The following LATS2 variants were observed in gnomAD, a reference collection of about 807,000 sequenced individuals.
LATS2 encodes the protein large tumor suppressor kinase 2, also known as serine/threonine-protein kinase LATS2.
Under a neutral mutation model 76.0 loss-of-function variants are expected in LATS2, and 24 were observed. The observed-to-expected ratio is 0.32, with a 90% CI of 0.23 to 0.44. LATS2 has a LOEUF of 0.44. Ranked by LOEUF, LATS2 falls within the 20% of genes least tolerant of loss-of-function variation. The pLI is 1.00. For missense variants in LATS2, 1,286 were observed against 1,481.2 expected (o/e 0.87, Z 2.16); for synonymous variants, 692 against 635.4 (o/e 1.09, Z -1.34).
chr13:21,001,204 T>C (rs995028651), intron 2 of LATS2, among the ~76,000 whole-genome samples: 1 of 152,208 alleles, frequency 6.6e-6, no homozygotes, highest in Non-Finnish European at 1.5e-5. Context: ...TTTGTCACAA[T>C]GGAGATAGGT....
intron 2 of LATS2, among the ~76,000 whole-genome samples, chr13:21,024,333 G>C (rs915046449): frequency 6.6e-6 from 1 of 152,000 alleles, no homozygotes. Context: ...CTACTGAGGA[G>C]ACTGAGGCAG....
At position 20,975,070 on chromosome 13, in the gene LATS2, C is replaced by T; in HGVS notation, c.3067G>A (p.Asp1023Asn). ...DASEGSTKAW[D>N]TLTSPNNKHP... ...TTGTTATTGGGCGAGGTGAGTGTGTCCCAGGCCTTGGTGCTACCTTCGCTG... is the reference window on the plus strand; with the variant it reads ...TTGTTATTGGGCGAGGTGAGTGTGTTCCAGGCCTTGGTGCTACCTTCGCTG... The change falls in exon 8 of 8, where the codon GAC becomes AAC. Residue 1023 changes from aspartate (D) to asparagine (N), a missense_variant. Asp to Asn is a conservative substitution (Grantham distance 23). Transcript: ENST00000382592. 6.2e-7 allele frequency: 1 copy of T among 1,614,246 alleles called. No individual in the cohort carries two copies. Among genetic ancestry groups the T allele is most frequent in the Non-Finnish European group, 8.5e-7 (1 of 1,180,046 alleles).
chr13:20,990,075 C>T (rs987824992), intron 3 of LATS2, among the ~76,000 whole-genome samples: 1 of 152,206 alleles, frequency 6.6e-6, no homozygotes, highest in African/African-American at 2.4e-5. Context: ...ACAGGAAGAC[C>T]ACCCCGATAC....
At chr13:20,983,193 G>GA in intron 5 of LATS2, 31 bp downstream of exon 5, 5 of 1,486,748 alleles carry the variant, frequency 3.4e-6, no homozygotes, top group Non-Finnish European at 4.7e-6. Context: ...TCTACACATA[G>GA]AAAGTGCATG....
chr13:20,996,985 C>T (rs1418220736), intron 2 of LATS2, among the ~76,000 whole-genome samples: 3 of 152,332 alleles, frequency 2.0e-5, no homozygotes, highest in African/African-American at 7.2e-5. Context: ...CTGGCAGCCT[C>T]GTCTCTTCTG....
chr13:21,050,484 G>A lies in LATS2; in HGVS notation c.-204-4254C>T, dbSNP rs528370526. On this transcript the variant is annotated intron_variant, in intron 1 of 7. Transcript: ENST00000382592. Reference sequence around the variant, plus strand: ...TATGCAATCTCTACTCTGTAGTTTAGCACATTTCTTTCAACACTATATTTG... The same window carrying A: ...TATGCAATCTCTACTCTGTAGTTTAACACATTTCTTTCAACACTATATTTG... Among the ~76,000 whole-genome samples, 7 of 152,278 alleles carry A rather than the reference G, an allele frequency of 4.6e-5. No individual in the cohort carries two copies. The South Asian group carries it at 1.2e-3, about 27-fold the overall frequency.
chr13:20,974,808 G>C lies in LATS2; in HGVS notation c.*62C>G. ...CCTCGGCTTCCCTATTGGCCTGTGA[G>C]GGCACCGGCTCCGGGACCCTGACCT... On this transcript the variant is annotated 3_prime_UTR_variant, in exon 8 of 8. Coordinates refer to ENST00000382592, the MANE Select transcript of LATS2 (RefSeq NM_014572.3). The C allele has an allele frequency of 6.5e-7, 1 of 1,529,740 alleles. No individual in the cohort carries two copies. Among genetic ancestry groups the C allele is most frequent in the Non-Finnish European group, 8.8e-7 (1 of 1,139,616 alleles). The allele number at this position is 1,529,740 out of a possible 1,614,324, so 94.8% of individuals were successfully genotyped here. A position where few individuals can be genotyped will look rare whatever the true frequency, so the allele number is the denominator to read the frequency against.
intron 2 of LATS2, among the ~76,000 whole-genome samples, chr13:21,031,200 C>T (rs1303820875): frequency 1.3e-5 from 2 of 152,074 alleles, no homozygotes; most frequent in African/African-American, 4.8e-5. Flanking sequence ...TGTGTTCATC[C>T]TGCTCTTGGT....
intron 2 of LATS2, among the ~76,000 whole-genome samples, chr13:21,001,375 T>A (rs566008052): frequency 2.6e-5 from 4 of 152,226 alleles, no homozygotes; most frequent in Non-Finnish European, 5.9e-5. Context: ...CATCCCTGTA[T>A]GTACGGGCTG....
intron 2 of LATS2, among the ~76,000 whole-genome samples, chr13:21,008,815 A>G (rs572233571): frequency 1.2e-4 from 19 of 152,298 alleles, no homozygotes; most frequent in Admixed American, 3.3e-4. Context: ...CTGAAATCCT[A>G]CAACCAAGAT....
chr13:21,045,928 C>G lies in LATS2; in HGVS notation c.99G>C (p.Ser33=), dbSNP rs755534479. The G allele has an allele frequency of 1.2e-6, 2 of 1,614,154 alleles. No homozygotes were observed. The highest frequency in any genetic ancestry group is 8.5e-7 in the Non-Finnish European group (1 of 1,180,032). ...TTGGTCCTGCGGGTAGCCCCTGAACCGAAGACTTGGATGGCTGTTTTAACC... is the reference window on the plus strand; with the variant it reads ...TTGGTCCTGCGGGTAGCCCCTGAACGGAAGACTTGGATGGCTGTTTTAACC... ...REGLKQPSKS[S]VQGLPAGPNS... Residue 33 remains serine, a synonymous_variant, in exon 2 of 8, where the codon TCG becomes TCC. Transcript: ENST00000382592.
chr13:21,010,504 G>A (rs1485364849), intron 2 of LATS2, among the ~76,000 whole-genome samples: 1 of 152,076 alleles, frequency 6.6e-6, no homozygotes, highest in African/African-American at 2.4e-5. Flanking sequence ...AATATTCAAG[G>A]AAGTTTTCCA....
At chr13:21,001,596 T>G (rs968469479) in intron 2 of LATS2, among the ~76,000 whole-genome samples, 1 of 152,112 alleles carries the variant, frequency 6.6e-6, no homozygotes, top group Non-Finnish European at 1.5e-5. Context: ...AACCCATGAG[T>G]GAAGCCCTCT....
chr13:21,025,616 G>T (rs1454145818), intron 2 of LATS2, among the ~76,000 whole-genome samples: 2 of 152,262 alleles, frequency 1.3e-5, no homozygotes, highest in East Asian at 3.9e-4. Flanking sequence ...AGTATGCTAT[G>T]AAACTCTGTC....
intron 2 of LATS2, among the ~76,000 whole-genome samples, chr13:21,028,417 T>C (rs919700218): frequency 9.2e-5 from 14 of 152,206 alleles, no homozygotes; most frequent in South Asian, 6.2e-4. Flanking sequence ...TATAGCAGCA[T>C]GATTTATAGT....
chr13:20,977,539 G>T (rs1027495931), intron 7 of LATS2, among the ~76,000 whole-genome samples: 3 of 151,844 alleles, frequency 2.0e-5, no homozygotes, highest in Non-Finnish European at 4.4e-5. Flanking sequence ...GGTGATGGTT[G>T]CACAATATTG....
chr13:21,009,879 AAC>A (rs1871513318), intron 2 of LATS2, among the ~76,000 whole-genome samples: 1 of 152,118 alleles, frequency 6.6e-6, no homozygotes, highest in Admixed American at 6.6e-5. Context: ...ATCAGACTAC[AAC>A]ACAGTGAGAG....
At chr13:21,040,404 AAAAG>A (rs1334372977) in intron 2 of LATS2, among the ~76,000 whole-genome samples, 7 of 151,986 alleles carry the variant, frequency 4.6e-5, no homozygotes, top group Non-Finnish European at 7.4e-5. Flanking sequence ...AAGAAAAAGA[AAAAG>A]AAAGAAATGT....
chr13:21,002,008 G>C (rs1415755039), intron 2 of LATS2, among the ~76,000 whole-genome samples: 2 of 151,968 alleles, frequency 1.3e-5, no homozygotes, highest in African/African-American at 4.8e-5. Context: ...CCGCCTCCTG[G>C]GTTCACGCCA....
Sources: allele counts gnomAD v4.1 joint callset (sites outside exome capture counted in the v4.1 genomes callset), GRCh38; gene constraint gnomAD v4.1.1; transcripts MANE v1.5; gene names NCBI Gene and HGNC (gene_info 2026-07-23, HGNC 2026-07-21).